Variants in CUX1 observed in about 807,000 individuals in gnomAD.
CUX1 encodes protein CASP.
CUX1 carries 31 observed loss-of-function variants against 158.8 expected under a neutral mutation model. The observed-to-expected ratio is 0.20, with a 90% CI of 0.15 to 0.26. The LOEUF (loss-of-function observed/expected upper bound fraction) is 0.26, where lower values mean the gene tolerates loss of function less well. Ranked by LOEUF, CUX1 falls within the 10% of genes least tolerant of loss-of-function variation. CUX1 has a pLI of 1.00. For missense variants in CUX1, 1,589 were observed against 2,014.6 expected (o/e 0.79, Z 4.04); for synonymous variants, 879 against 862.1 (o/e 1.02, Z -0.34).
intron 3 of CUX1, among the ~76,000 whole-genome samples, chr7:102,048,415 C>A (rs1454885312): frequency 6.6e-6 from 1 of 152,208 alleles, no homozygotes; most frequent in Non-Finnish European, 1.5e-5. Flanking sequence ...ATAGACCGAA[C>A]AGGGTCACTC....
At chr7:102,221,537 C>T (rs1363186308) in intron 20 of CUX1, among the ~76,000 whole-genome samples, 3 of 152,068 alleles carry the variant, frequency 2.0e-5, no homozygotes, top group South Asian at 2.1e-4. Flanking sequence ...CCGAGAATTA[C>T]GGCGGGTGCG....
intron 2 of CUX1, among the ~76,000 whole-genome samples, chr7:102,021,464 T>C (rs1165200595): frequency 6.6e-6 from 1 of 152,062 alleles, no homozygotes; most frequent in East Asian, 1.9e-4. Context: ...TGCACCACCA[T>C]ACTCACTAAT....
intron 12 of CUX1, among the ~76,000 whole-genome samples, chr7:102,190,565 G>A (rs1794165828): frequency 6.6e-6 from 1 of 152,100 alleles, no homozygotes; most frequent in Non-Finnish European, 1.5e-5. Context: ...CAGCTCCCCT[G>A]GATCGTCAGC....
chr7:102,227,519 C>A lies in CUX1; in HGVS notation c.3283C>A (p.Pro1095Thr). Residue 1095 changes from proline to threonine, a missense_variant, in exon 21 of 24, where the codon CCG becomes ACG. Transcript: ENST00000292535. ...KDSKPPEPSDPPASDSQPTTP... is the reference protein window; with the variant it reads ...KDSKPPEPSDTPASDSQPTTP... ...CAGCAAGCCACCAGAGCCCAGTGACCCGCCAGCATCCGACTCCCAGCCCAC... is the reference window on the plus strand; with the variant it reads ...CAGCAAGCCACCAGAGCCCAGTGACACGCCAGCATCCGACTCCCAGCCCAC... 6.2e-7 allele frequency: 1 copy of A among 1,614,110 alleles called. No individual in the cohort carries two copies. Among genetic ancestry groups the A allele is most frequent in the East Asian group, 2.2e-5 (1 of 44,880 alleles).
At chr7:102,211,086 G>T (rs1460375496) in intron 20 of CUX1, among the ~76,000 whole-genome samples, 1 of 152,182 alleles carries the variant, frequency 6.6e-6, no homozygotes, top group African/African-American at 2.4e-5. Context: ...TCGGGGGCAT[G>T]TGGATAGCAT....
intron 2 of CUX1, among the ~76,000 whole-genome samples, chr7:101,946,544 CAAAAA>C (rs386410843): frequency 9.0e-5 from 7 of 78,168 alleles, no homozygotes; most frequent in African/African-American, 1.1e-4. Context: ...GACTCCGTCT[CAAAAA>C]AAAAAAAAAA....
At chr7:101,823,210 A>G (rs1390682387) in intron 1 of CUX1, among the ~76,000 whole-genome samples, 1 of 152,130 alleles carries the variant, frequency 6.6e-6, no homozygotes, top group Non-Finnish European at 1.5e-5. Flanking sequence ...CCCCACAAGC[A>G]GGACTGGTAC....
At position 102,041,256 on chromosome 7, in the gene CUX1, CTTTTTTTTTTTT is replaced by C. The variant is rs11427183; in HGVS notation, c.189+13127_189+13138del. 3.6e-3 allele frequency among the ~76,000 whole-genome samples: 254 copies of C among 69,930 alleles called. 1 individual carries two copies. Among genetic ancestry groups the C allele is most frequent in the African/African-American group, 0.013 (244 of 19,128 alleles). The allele number at this position is 69,930 out of a possible 152,430, so 45.9% of individuals were successfully genotyped here. A position where few individuals can be genotyped will look rare whatever the true frequency, so the allele number is the denominator to read the frequency against. On this transcript the variant is annotated intron_variant, in intron 3 of 23. Transcript: ENST00000292535. ...GGGAGATTGTCACCTCTTATCCATT[CTTTTTTTTTTTT>C]TTTTTTTTTTTTTTTGAAATAGAGT...
intron 3 of CUX1, among the ~76,000 whole-genome samples, chr7:102,050,417 T>A (rs1823353003): frequency 6.6e-6 from 1 of 152,136 alleles, no homozygotes; most frequent in South Asian, 2.1e-4. Flanking sequence ...TCCCTGTATC[T>A]CTGTCCCATC....
At chr7:101,957,230 C>T (rs180726059) in intron 2 of CUX1, among the ~76,000 whole-genome samples, 4 of 152,038 alleles carry the variant, frequency 2.6e-5, no homozygotes, top group Non-Finnish European at 5.9e-5. Context: ...AATATAAAGA[C>T]AAGATGAATA....
At chr7:102,075,004 G>A (rs564209306) in intron 4 of CUX1, among the ~76,000 whole-genome samples, 5 of 152,256 alleles carry the variant, frequency 3.3e-5, no homozygotes, top group East Asian at 3.9e-4. Context: ...GATTACAGGC[G>A]TGCGCCACCA....
intron 20 of CUX1, among the ~76,000 whole-genome samples, chr7:102,208,928 C>T (rs1367523878): frequency 6.6e-6 from 1 of 152,156 alleles, no homozygotes; most frequent in Non-Finnish European, 1.5e-5. Context: ...GATGGACTGG[C>T]GGTTGGTTTT....
intron 2 of CUX1, among the ~76,000 whole-genome samples, chr7:102,015,337 C>G (rs1348184325): frequency 6.6e-6 from 1 of 152,110 alleles, no homozygotes; most frequent in Non-Finnish European, 1.5e-5. Context: ...ACGCAATTCT[C>G]CTGCCTCAGC....
chr7:102,246,489 G>A (rs1162822722), intron 23 of CUX1, among the ~76,000 whole-genome samples: 1 of 152,072 alleles, frequency 6.6e-6, no homozygotes, highest in Non-Finnish European at 1.5e-5. Flanking sequence ...CAATACCCTG[G>A]GCTAAGCTAC....
intron 3 of CUX1, among the ~76,000 whole-genome samples, chr7:102,069,899 A>G (rs1000140254): frequency 6.6e-6 from 1 of 152,156 alleles, no homozygotes; most frequent in Non-Finnish European, 1.5e-5. Flanking sequence ...TCCCTTCTGC[A>G]TGTCCCCAGG....
At chr7:102,185,774 T>G (rs1554515084) in intron 11 of CUX1, among the ~76,000 whole-genome samples, 2 of 152,108 alleles carry the variant, frequency 1.3e-5, no homozygotes, top group African/African-American at 4.8e-5. Context: ...AGTCCAGGTT[T>G]GCAGAGAGCC....
At chr7:101,891,331 G>A (rs1257555430) in intron 1 of CUX1, among the ~76,000 whole-genome samples, 1 of 152,210 alleles carries the variant, frequency 6.6e-6, no homozygotes, top group Middle Eastern at 3.4e-3. Context: ...CAATCCTCAC[G>A]CCTCAGACTC....
intron 1 of CUX1, among the ~76,000 whole-genome samples, chr7:101,867,056 A>G (rs995726578): frequency 2.0e-5 from 3 of 152,182 alleles, no homozygotes; most frequent in Non-Finnish European, 2.9e-5. Context: ...CGCCATCTCT[A>G]CTAAAAATAC....
At chr7:101,947,441 G>A (rs1325918092) in intron 2 of CUX1, among the ~76,000 whole-genome samples, 3 of 152,134 alleles carry the variant, frequency 2.0e-5, no homozygotes, top group Non-Finnish European at 2.9e-5. Context: ...GCCCGAGCCC[G>A]AGCTTAAATA....
Sources: allele counts gnomAD v4.1 joint callset (sites outside exome capture counted in the v4.1 genomes callset), GRCh38; gene constraint gnomAD v4.1.1; transcripts MANE v1.5; gene names NCBI Gene and HGNC (gene_info 2026-07-23, HGNC 2026-07-21).